The following TMC6 variants were observed in gnomAD, a reference collection of about 807,000 sequenced individuals.
TMC6 encodes the protein transmembrane channel-like protein 6.
TMC6 carries 71 observed loss-of-function variants against 95.4 expected under a neutral mutation model. The ratio of observed to expected loss-of-function variants is 0.74; its 90% CI spans 0.61 to 0.91. TMC6 has a LOEUF of 0.91. TMC6 is among the 40% of genes least tolerant of loss of function. The pLI is 0.00. For synonymous variants in TMC6, 514 were observed against 483.1 expected, an observed-to-expected ratio of 1.06 and a Z score of -0.84; for missense variants, 1,074 against 1,079.1, an observed-to-expected ratio of 1.00 and a Z score of 0.07.
At position 78,117,335 on chromosome 17, in the gene TMC6, G is replaced by A. The variant is rs758514260; in HGVS notation, c.2211C>T (p.Tyr737=). 6.2e-7 allele frequency: 1 copy of A among 1,613,306 alleles called. No individual in the cohort carries two copies. The highest frequency in any genetic ancestry group is 8.5e-7 in the Non-Finnish European group (1 of 1,179,962). ...GGCCCCGCACCACCTGGATGTTGAG[G>A]TAGATCACGGCCCTGCGGGAGAGGG... The part of the protein sequence containing the change: ...LVSALLLAVI[Y]LNIQVVRGQR... Residue 737 remains tyrosine, a synonymous_variant, in exon 18 of 20, where the codon TAC becomes TAT. Transcript: ENST00000590602.
At chr17:78,114,697 A>G (rs967896699) in intron 18 of TMC6, among the ~76,000 whole-genome samples, 3 of 152,038 alleles carry the variant, frequency 2.0e-5, no homozygotes, top group African/African-American at 7.2e-5. Context: ...GACCACTTAG[A>G]ATACCTTCAA....
In TMC6 at chr17:78,125,168, G is replaced by A. The variant is rs112743475; in HGVS notation, c.526C>T (p.Arg176Cys). ...GTCGGGGCTGCTCACCGCAGGCTGC[G>A]TTTCTCAGCCAGGCTTAAGGGCATC... ...RGMPLSLAEK[R>C]SLREKSRTPR... is the part of the protein sequence containing the mutation. Residue 176 changes from arginine to cysteine, a missense_variant, in exon 6 of 20, where the codon CGC becomes TGC. By Grantham distance (180) the Arg-to-Cys change is radical. Coordinates refer to ENST00000590602, the MANE Select transcript of TMC6 (RefSeq NM_001127198.5). 205 of 1,568,782 alleles carry A rather than the reference G, an allele frequency of 1.3e-4. 5 individuals carry two copies. The South Asian group carries it at 1.4e-3, about 11-fold the overall frequency.
chr17:78,132,006 G>T, upstream of TMC6: 1 of 1,532,988 alleles, frequency 6.5e-7, no homozygotes, highest in Non-Finnish European at 8.7e-7. Context: ...TGGGCTCTGG[G>T]AGGGGGCGCT....
chr17:78,124,422 C>T (rs2074589680), intron 8 of TMC6, 102 bp downstream of exon 8: 1 of 1,561,922 alleles, frequency 6.4e-7, no homozygotes, highest in Non-Finnish European at 8.6e-7. Flanking sequence ...CACAGCGGGG[C>T]AAGGGTTGGG....
chr17:78,120,958 A>G (rs1465825474), intron 12 of TMC6, 55 bp downstream of exon 12: 8 of 1,612,750 alleles, frequency 5.0e-6, no homozygotes, highest in Non-Finnish European at 6.8e-6. Context: ...ACCCGGAGCT[A>G]AACAACCAGT....
upstream of TMC6, among the ~76,000 whole-genome samples, chr17:78,130,128 T>C (rs1021764899): frequency 1.3e-5 from 2 of 152,150 alleles, no homozygotes; most frequent in African/African-American, 2.4e-5. Flanking sequence ...AGATATGTCT[T>C]AAACATCTAG....
upstream of TMC6, chr17:78,132,379 C>G: frequency 1.2e-6 from 2 of 1,613,116 alleles, no homozygotes; most frequent in Non-Finnish European, 1.7e-6. Flanking sequence ...CACAGGAATT[C>G]GGTCCTACTT....
In TMC6 at chr17:78,122,814, G is replaced by A; in HGVS notation, c.1083-65C>T. On this transcript the variant is annotated intron_variant, in intron 9 of 19. Transcript: ENST00000590602. The surrounding 1 kb of genome is among the most constrained non-coding windows in gnomAD (Gnocchi z 4.9). The stretch of plus-strand genomic sequence containing the variant: ...GACGGGCAGAGGCCAAGGGGAGAAG[G>A]CAGACCGGATGCTCTGGGCAGCCAG... The A allele has an allele frequency of 1.3e-6, 2 of 1,570,982 alleles. No homozygotes were observed. Among genetic ancestry groups the A allele is most frequent in the Non-Finnish European group, 8.6e-7 (1 of 1,164,534 alleles).
chr17:78,124,602 C>T lies in TMC6; in HGVS notation c.813G>A (p.Met271Ile). 1.2e-6 allele frequency: 2 copies of T among 1,612,346 alleles called. No individual in the cohort carries two copies. Among genetic ancestry groups the T allele is most frequent in the South Asian group, 2.2e-5 (2 of 91,038 alleles). Residue 271 changes from methionine to isoleucine, a missense_variant, in exon 8 of 20, where the codon ATG (methionine) becomes ATA (isoleucine). Coordinates refer to ENST00000590602, the MANE Select transcript of TMC6 (RefSeq NM_001127198.5). ...LLLLLLVAFI[M>I]GPQVAFPPAL... is the part of the protein sequence containing the mutation. Reference sequence around the variant, plus strand: ...CGGGTGGGAAGGCGACCTGAGGGCCCATGATGAAGGCCACCAGCAGCAGCA... The same window carrying T: ...CGGGTGGGAAGGCGACCTGAGGGCCTATGATGAAGGCCACCAGCAGCAGCA...
chr17:78,123,622 T>TGGGTGGAG (rs1567996949), intron 9 of TMC6, among the ~76,000 whole-genome samples: 1 of 91,906 alleles, frequency 1.1e-5, no homozygotes, highest in African/African-American at 4.0e-5. Context: ...AATGGGTGGA[T>TGGGTGGAG]GGGTGGATGG....
At chr17:78,118,331 C>T (rs538131649) in intron 15 of TMC6, among the ~76,000 whole-genome samples, 3 of 152,046 alleles carry the variant, frequency 2.0e-5, no homozygotes, top group Admixed American at 6.5e-5. Flanking sequence ...CTGAGGTGGG[C>T]GATCACAAGG....
intron 9 of TMC6, among the ~76,000 whole-genome samples, chr17:78,123,328 T>A (rs569483134): frequency 6.6e-6 from 1 of 152,326 alleles, no homozygotes; most frequent in African/African-American, 2.4e-5. Context: ...GTGGAATACG[T>A]AGATGCATGG....
upstream of TMC6, chr17:78,132,017 C>G (rs2075001081): frequency 3.3e-6 from 5 of 1,533,596 alleles, no homozygotes; most frequent in Non-Finnish European, 4.4e-6. Flanking sequence ...AGGGGGCGCT[C>G]TACGAGATCG....
At chr17:78,131,539 T>TC (rs1454073294), upstream of TMC6, 6 of 1,535,288 alleles carry the variant, frequency 3.9e-6, no homozygotes, top group Admixed American at 2.0e-5. Context: ...GGGACTCATA[T>TC]CCCCCCCACC....
intron 13 of TMC6, chr17:78,120,093 T>C (rs2074333799): frequency 5.8e-6 from 2 of 343,400 alleles, no homozygotes; most frequent in Admixed American, 4.3e-5. Flanking sequence ...CCGCTGTCTG[T>C]TCCCTGCTGT....
rs1037757019 is a variant in TMC6, at chr17:78,121,656, A to G, written c.1283T>C (p.Leu428Pro). 1.2e-6 allele frequency: 2 copies of G among 1,605,136 alleles called. No homozygotes were observed. Among genetic ancestry groups the G allele is most frequent in the Non-Finnish European group, 1.7e-6 (2 of 1,177,494 alleles). The change falls in exon 11 of 20, where the codon CTG (leucine) becomes CCG (proline). Residue 428 changes from leucine to proline, a missense_variant. By Grantham distance (98) the Leu-to-Pro change is moderately conservative (BLOSUM62 -3). Coordinates refer to ENST00000590602, the MANE Select transcript of TMC6 (RefSeq NM_001127198.5). This position sits in a 1 kb window ranked among gnomAD's most constrained non-coding sequence, Gnocchi z 5.6. ...AAGCCCCAGCACAGCCGCCTGCCGC[A>G]GCCTCCCGCACACGCTCCTGGGGCT... ...RHSPRSVCGR[L>P]RQAAVLGLVW...
rs2073762344 is a variant in TMC6 at position 78,108,820 on chromosome 17, G to A, written c.*4328C>T. The A allele has an allele frequency of 6.6e-6, 1 of 151,932 alleles. No homozygotes were observed. The highest frequency in any genetic ancestry group is 2.4e-5 in the African/African-American group (1 of 41,342). The allele number at this position is 151,932 out of a possible 1,614,324, so 9.4% of individuals were successfully genotyped here. A position where few individuals can be genotyped will look rare whatever the true frequency, so the allele number is the denominator to read the frequency against. On this transcript the variant is annotated 3_prime_UTR_variant, in exon 20 of 20. Transcript: ENST00000590602. ...AGTTTATTAAATTTTTTTTTAAATGGCAGTTTCAGACCTGCCCTTTGTGGT... is the reference window on the plus strand; with the variant it reads ...AGTTTATTAAATTTTTTTTTAAATGACAGTTTCAGACCTGCCCTTTGTGGT...
At position 78,117,795 on chromosome 17, in the gene TMC6, C is replaced by G. The variant is rs1249849794; in HGVS notation, c.2021+7G>C. 6.2e-7 allele frequency: 1 copy of G among 1,604,974 alleles called. No homozygotes were observed. Among genetic ancestry groups the G allele is most frequent in the Non-Finnish European group, 8.5e-7 (1 of 1,176,072 alleles). On this transcript the variant is annotated splice_region_variant and intron_variant, in intron 16 of 19. Transcript: ENST00000590602. ...CAGAAGGGTCTCCCTCCACCCGCCCCACTCACTGCCAGACGGCGTAGCAGA... is the reference window on the plus strand; with the variant it reads ...CAGAAGGGTCTCCCTCCACCCGCCCGACTCACTGCCAGACGGCGTAGCAGA...
At chr17:78,119,840 G>T (rs1018680880) in intron 13 of TMC6, 4 of 355,342 alleles carry the variant, frequency 1.1e-5, no homozygotes, top group Non-Finnish European at 1.6e-5. Flanking sequence ...TAGAGACAAG[G>T]TCTCACTCTG....
Sources: allele counts gnomAD v4.1 joint callset (sites outside exome capture counted in the v4.1 genomes callset), GRCh38; gene constraint gnomAD v4.1.1; non-coding constraint Gnocchi (gnomAD v3.1); transcripts MANE v1.5; gene names NCBI Gene and HGNC (gene_info 2026-07-23, HGNC 2026-07-21).